EPB41L4A: variants seen among roughly 807,000 people sequenced by gnomAD.
EPB41L4A encodes the protein band 4.1-like protein 4A.
In EPB41L4A, 100 loss-of-function variants were observed where a neutral mutation model predicts 108.6. That is an observed-to-expected ratio of 0.92 (90% CI 0.78 to 1.09). The LOEUF (loss-of-function observed/expected upper bound fraction) is 1.09, where lower values mean the gene tolerates loss of function less well. Ranked by LOEUF, EPB41L4A falls within the 50% of genes least tolerant of loss-of-function variation. The probability of loss-of-function intolerance (pLI) is 0.00; values close to 1 mark genes in which losing one functional copy is unlikely to be tolerated. For missense variants in EPB41L4A, 1,030 were observed against 842.7 expected (o/e 1.22, Z -2.75); for synonymous variants, 319 against 289.0 (o/e 1.10, Z -1.05).
downstream of EPB41L4A, among the ~76,000 whole-genome samples, chr5:112,160,201 C>T (rs1184822125): frequency 3.3e-5 from 5 of 152,102 alleles, no homozygotes; most frequent in African/African-American, 9.7e-5. Context: ...TGAGCCACCG[C>T]GCCCGGCGTT....
chr5:112,368,757 C>T (rs1759302253), intron 1 of EPB41L4A, among the ~76,000 whole-genome samples: 1 of 152,190 alleles, frequency 6.6e-6, no homozygotes, highest in African/African-American at 2.4e-5. Context: ...ATGCTATTTG[C>T]TTTTCTGGTT....
chr5:112,258,862 T>C (rs928240654), intron 9 of EPB41L4A, among the ~76,000 whole-genome samples: 1 of 152,204 alleles, frequency 6.6e-6, no homozygotes, highest in Admixed American at 6.5e-5. Context: ...AGAGCAAAAT[T>C]AGAATGCATT....
rs821735 is a variant in EPB41L4A at position 112,331,875 on chromosome 5, T to A, written c.100-24385A>T. 3.0e-4 allele frequency among the ~76,000 whole-genome samples: 46 copies of A among 152,016 alleles called. 1 individual carries two copies. The highest frequency in any genetic ancestry group is 1.1e-3 in the African/African-American group (44 of 41,482). ...AAGGTGCCTGCTTCTGAGGGCGTAT[T>A]AGAACTACCTGGGTTTTTTCAATGC... On this transcript the variant is annotated intron_variant, in intron 1 of 22. Transcript: ENST00000261486.
exon 13 of EPB41L4A, chr5:112,145,926 C>T (rs141453257): frequency 2.2e-6 from 1 of 456,778 alleles, no homozygotes; most frequent in Admixed American, 2.3e-5. Flanking sequence ...TTATGAGAGA[C>T]CTTCTGAAGT....
At chr5:112,293,351 T>C (rs1753775988) in intron 2 of EPB41L4A, among the ~76,000 whole-genome samples, 1 of 111,714 alleles carries the variant, frequency 9.0e-6, no homozygotes, top group African/African-American at 4.8e-5. Context: ...TTATTTTTCC[T>C]CATCCTCTCC....
At chr5:112,302,257 G>C (rs1180844107) in intron 2 of EPB41L4A, among the ~76,000 whole-genome samples, 1 of 152,100 alleles carries the variant, frequency 6.6e-6, no homozygotes, top group African/African-American at 2.4e-5. Context: ...TATAATCCTA[G>C]CACTTTGGGA....
chr5:112,149,339 G>C (rs924033976), intron 12 of EPB41L4A, among the ~76,000 whole-genome samples: 1 of 152,166 alleles, frequency 6.6e-6, no homozygotes, highest in Non-Finnish European at 1.5e-5. Context: ...AGGCGTGGTG[G>C]CACGTGCCTG....
intron 12 of EPB41L4A, among the ~76,000 whole-genome samples, chr5:112,223,778 T>A (rs1382623280): frequency 6.6e-6 from 1 of 152,160 alleles, no homozygotes; most frequent in Non-Finnish European, 1.5e-5. Context: ...AGAAGGAATG[T>A]CTTCTTTTTA....
chr5:112,222,057 C>T (rs778892160), intron 12 of EPB41L4A, among the ~76,000 whole-genome samples: 28 of 152,330 alleles, frequency 1.8e-4, no homozygotes, highest in Non-Finnish European at 3.1e-4. Flanking sequence ...ACAGTTACTG[C>T]CTTTCCCCCT....
At chr5:112,199,690 A>G (rs140511226) in intron 15 of EPB41L4A, among the ~76,000 whole-genome samples, 118 of 152,304 alleles carry the variant, frequency 7.7e-4, no homozygotes, top group African/African-American at 2.8e-3. Context: ...AAGCCTGTGA[A>G]GTCCTGATGA....
chr5:112,357,287 C>T (rs911090118), intron 1 of EPB41L4A, among the ~76,000 whole-genome samples: 24 of 152,304 alleles, frequency 1.6e-4, no homozygotes, highest in African/African-American at 5.5e-4. Flanking sequence ...AATGAACATG[C>T]GACCTGAGCT....
intron 16 of EPB41L4A, among the ~76,000 whole-genome samples, chr5:112,195,319 A>T (rs1411123786): frequency 6.6e-6 from 1 of 152,014 alleles, no homozygotes; most frequent in Non-Finnish European, 1.5e-5. Context: ...CCACAGCCTC[A>T]TGAAATCGTG....
At chr5:112,393,781 C>A (rs1761126842) in intron 1 of EPB41L4A, among the ~76,000 whole-genome samples, 1 of 151,938 alleles carries the variant, frequency 6.6e-6, no homozygotes, top group African/African-American at 2.4e-5. Flanking sequence ...GGCAGAGACA[C>A]AACAAAAAAA....
Position 112,184,117 on chromosome 5 carries a change from A to T in EPB41L4A, c.1521T>A (p.Asp507Glu). 6.2e-7 allele frequency: 1 copy of T among 1,613,940 alleles called. No individual in the cohort carries two copies. Among genetic ancestry groups the T allele is most frequent in the Non-Finnish European group, 8.5e-7 (1 of 1,179,898 alleles). Residue 507 changes from aspartate (D) to glutamate (E), a missense_variant, in exon 18 of 23, where the codon GAT (aspartate) becomes GAA (glutamate). By Grantham distance (45) the Asp-to-Glu change is conservative (BLOSUM62 2). Coordinates refer to ENST00000261486, the MANE Select transcript of EPB41L4A (RefSeq NM_022140.5). ...KKRNRIRQENDMVDSAPQWEA... is the reference protein window; with the variant it reads ...KKRNRIRQENEMVDSAPQWEA... ...CCCACTGAGGCGCTGAATCAACCAT[A>T]TCATTCTCCTGCCGTATTCTGAAAG...
chr5:112,392,034 T>C (rs917154399), intron 1 of EPB41L4A, among the ~76,000 whole-genome samples: 1 of 152,152 alleles, frequency 6.6e-6, no homozygotes, highest in African/African-American at 2.4e-5. Context: ...TGAGAGATTT[T>C]GTCAGCACCA....
At chr5:112,391,001 TAACA>T (rs963082347) in intron 1 of EPB41L4A, among the ~76,000 whole-genome samples, 4 of 152,034 alleles carry the variant, frequency 2.6e-5, no homozygotes, top group African/African-American at 9.7e-5. Flanking sequence ...GAAGGAAAAG[TAACA>T]AACAGAAAGG....
chr5:112,344,989 CTATAT>C (rs1260416084), intron 1 of EPB41L4A, among the ~76,000 whole-genome samples: 1 of 152,200 alleles, frequency 6.6e-6, no homozygotes, highest in Non-Finnish European at 1.5e-5. Flanking sequence ...TAAATGGTAA[CTATAT>C]TATTTCCTCA....
At chr5:112,147,377 C>T (rs1168699201) in intron 12 of EPB41L4A, among the ~76,000 whole-genome samples, 2 of 152,136 alleles carry the variant, frequency 1.3e-5, no homozygotes, top group Non-Finnish European at 2.9e-5. Flanking sequence ...CGGTGACTCA[C>T]GCCTGTAATC....
rs1335933534 is a variant in EPB41L4A at position 112,409,838 on chromosome 5, A to AG, written c.99+9102dup. On this transcript the variant is annotated intron_variant, in intron 1 of 22. Transcript: ENST00000261486. ...GACAGCCTTACCCTTATTACTGATG[A>AG]GAAAGCCAACTCAAAGAGGGTAAGT... Among the ~76,000 whole-genome samples, 4 of 152,254 alleles carry AG rather than the reference A, an allele frequency of 2.6e-5. No individual in the cohort carries two copies. In the East Asian group the frequency reaches 7.7e-4, roughly 29 times the overall value.
Sources: allele counts gnomAD v4.1 joint callset (sites outside exome capture counted in the v4.1 genomes callset), GRCh38; gene constraint gnomAD v4.1.1; transcripts MANE v1.5; gene names NCBI Gene and HGNC (gene_info 2026-07-23, HGNC 2026-07-21).